The following FRK variants were observed in gnomAD, a reference collection of about 807,000 sequenced individuals.
The protein encoded by FRK is tyrosine-protein kinase FRK.
In FRK, 51 loss-of-function variants were observed where a neutral mutation model predicts 56.4. The observed-to-expected ratio is 0.90, with a 90% confidence interval of 0.72 to 1.14. FRK has a LOEUF of 1.14. Ranked by LOEUF, FRK falls within the 50% of genes most tolerant of loss-of-function variation. FRK has a pLI of 0.00. For synonymous variants in FRK, 245 were observed against 217.9 expected (o/e 1.12, Z -1.10); for missense variants, 570 against 601.4 (o/e 0.95, Z 0.55).
At chr6:115,967,086 A>AG (rs1773609272) in intron 4 of FRK, among the ~76,000 whole-genome samples, 1 of 152,216 alleles carries the variant, frequency 6.6e-6, no homozygotes, top group Non-Finnish European at 1.5e-5. Context: ...GGAAGATGGA[A>AG]GGGAAAAAAA....
intron 1 of FRK, among the ~76,000 whole-genome samples, chr6:116,058,701 G>C (rs1458548466): frequency 6.6e-6 from 1 of 152,060 alleles, no homozygotes; most frequent in Admixed American, 6.5e-5. Context: ...ACGAGGTCAG[G>C]AGATCGAGAC....
At chr6:115,953,180 ATTTTTTTTTT>A (rs1554224845) in intron 5 of FRK, among the ~76,000 whole-genome samples, 1 of 104,032 alleles carries the variant, frequency 9.6e-6, no homozygotes, top group South Asian at 3.2e-4. Flanking sequence ...TTTTAAGGCC[ATTTTTTTTTT>A]TTTTTTTTTT....
chr6:116,041,641 G>A (rs971680824), intron 1 of FRK, among the ~76,000 whole-genome samples: 2 of 152,168 alleles, frequency 1.3e-5, no homozygotes, highest in African/African-American at 4.8e-5. Context: ...GGAAGCTCAA[G>A]GGGTCAGGGA....
chr6:116,092,667 G>A, the FRK span, among the ~76,000 whole-genome samples: 1 of 152,150 alleles, frequency 6.6e-6, no homozygotes, highest in African/African-American at 2.4e-5. Context: ...TGATCAACAG[G>A]GTCCAGGGAC....
rs56369602 is a variant in FRK at position 115,959,177 on chromosome 6, C to T, written c.800-2567G>A. On this transcript the variant is annotated intron_variant, in intron 4 of 7. Transcript: ENST00000606080. ...CTCATCTTTATTGCGTAGTAGCCTG[C>T]TCAGCAATAAATAGCCGCTCATATT... Among the ~76,000 whole-genome samples, 794 of 152,308 alleles carry T rather than the reference C, an allele frequency of 5.2e-3. 7 individuals are homozygous for T. Among genetic ancestry groups the T allele is most frequent in the Non-Finnish European group, 8.4e-3 (574 of 68,030 alleles).
chr6:116,065,163 A>G (rs1396295874), upstream of FRK, among the ~76,000 whole-genome samples: 1 of 152,152 alleles, frequency 6.6e-6, no homozygotes, highest in African/African-American at 2.4e-5. Flanking sequence ...GAATTGAACC[A>G]TGCTCCTATA....
chr6:115,990,151 AGTTCTTTATAGAC>A (rs1220796646), intron 2 of FRK, among the ~76,000 whole-genome samples: 2 of 151,640 alleles, frequency 1.3e-5, no homozygotes, highest in Non-Finnish European at 2.9e-5. Context: ...GATTGGTTTG[AGTTCTTTATAGAC>A]TCTGGACATT....
intron 1 of FRK, among the ~76,000 whole-genome samples, chr6:116,035,092 C>A (rs952203812): frequency 2.6e-5 from 4 of 151,624 alleles, no homozygotes; most frequent in Admixed American, 6.6e-5. Context: ...TGTGGGGGAT[C>A]AGAGAGAGAA....
intron 1 of FRK, among the ~76,000 whole-genome samples, chr6:116,025,014 C>T (rs1776033576): frequency 6.6e-6 from 1 of 152,048 alleles, no homozygotes; most frequent in Non-Finnish European, 1.5e-5. Flanking sequence ...CTCTGATGGC[C>T]AGTGATGGTG....
chr6:115,972,763 G>A (rs1243513141), intron 2 of FRK, among the ~76,000 whole-genome samples: 3 of 152,144 alleles, frequency 2.0e-5, no homozygotes, highest in African/African-American at 7.2e-5. Flanking sequence ...CAAACACCAT[G>A]CTAAGCATGA....
intron 2 of FRK, among the ~76,000 whole-genome samples, chr6:115,979,128 A>T (rs1774098329): frequency 6.6e-6 from 1 of 152,114 alleles, no homozygotes; most frequent in South Asian, 2.1e-4. Flanking sequence ...TTTAACTATA[A>T]AACAGCCTCA....
At chr6:116,024,311 A>T (rs1007794965) in intron 1 of FRK, among the ~76,000 whole-genome samples, 6 of 151,712 alleles carry the variant, frequency 4.0e-5, no homozygotes, top group African/African-American at 1.5e-4. Flanking sequence ...CATGTGCACA[A>T]TGTGCAGGTT....
chr6:116,032,835 A>G (rs539528465), intron 1 of FRK, among the ~76,000 whole-genome samples: 1 of 152,202 alleles, frequency 6.6e-6, no homozygotes, highest in East Asian at 1.9e-4. Flanking sequence ...GTGTGTATAT[A>G]TTGCATTCAA....
chr6:115,984,158 A>G (rs888600863), intron 2 of FRK, among the ~76,000 whole-genome samples: 8 of 151,798 alleles, frequency 5.3e-5, no homozygotes, highest in African/African-American at 1.9e-4. Flanking sequence ...CTGTGTATCT[A>G]CCTCTGTTAT....
intron 2 of FRK, among the ~76,000 whole-genome samples, chr6:116,001,550 G>A (rs779444307): frequency 1.3e-5 from 2 of 152,146 alleles, no homozygotes; most frequent in Non-Finnish European, 2.9e-5. Context: ...GGGACTTTCA[G>A]AACTTACTTG....
At position 115,970,068 on chromosome 6, in the gene FRK, A is replaced by G. The variant is rs556595647; in HGVS notation, c.467-1329T>C. 6.6e-5 allele frequency among the ~76,000 whole-genome samples: 10 copies of G among 152,226 alleles called. No homozygotes were observed. The South Asian group carries it at 2.1e-3, about 32-fold the overall frequency. ...GTCAGGCTGGTGCAATGCTCTTATGATAGGAAAGAAGACATCCCACTTCCC... is the reference window on the plus strand; with the variant it reads ...GTCAGGCTGGTGCAATGCTCTTATGGTAGGAAAGAAGACATCCCACTTCCC... On this transcript the variant is annotated intron_variant, in intron 2 of 7. Coordinates refer to ENST00000606080, the MANE Select transcript of FRK (RefSeq NM_002031.3).
chr6:116,021,013 A>G (rs1338294281), intron 1 of FRK, among the ~76,000 whole-genome samples: 1 of 152,150 alleles, frequency 6.6e-6, no homozygotes, highest in Admixed American at 6.6e-5. Context: ...CAGTGGTTTC[A>G]TGTTTGCTTT....
At position 116,060,629 on chromosome 6, in the gene FRK, A is replaced by C; in HGVS notation, c.-318T>G. 4.3e-6 allele frequency: 1 copy of C among 232,742 alleles called. No individual in the cohort carries two copies. The highest frequency in any genetic ancestry group is 8.4e-6 in the Non-Finnish European group (1 of 119,436). The allele number at this position is 232,742 out of a possible 1,614,324, so 14.4% of individuals were successfully genotyped here. ...AATCCCACAACAAAAATAAAATAAAATTAAAAGGGCTTTATTTAGACAAAT... is the reference window on the plus strand; with the variant it reads ...AATCCCACAACAAAAATAAAATAAACTTAAAAGGGCTTTATTTAGACAAAT... On this transcript the variant is annotated 5_prime_UTR_variant, in exon 1 of 8. Transcript: ENST00000606080.
upstream of FRK, among the ~76,000 whole-genome samples, chr6:116,062,059 T>G (rs1362780979): frequency 6.6e-6 from 1 of 151,370 alleles, no homozygotes; most frequent in Non-Finnish European, 1.5e-5. Flanking sequence ...CAGAGAACCA[T>G]GGCATCAGCC....
Sources: gnomAD v4.1 joint callset for allele counts (sites outside exome capture counted in the v4.1 genomes callset) on GRCh38, gnomAD v4.1.1 for gene constraint, MANE v1.5 for transcripts, NCBI Gene and HGNC (gene_info 2026-07-23, HGNC 2026-07-21) for gene names.